LAPTM4B: variants seen among roughly 807,000 people sequenced by gnomAD.
LAPTM4B encodes the protein lysosomal-associated transmembrane protein 4B.
Under a neutral mutation model 28.5 loss-of-function variants are expected in LAPTM4B, and 26 were observed. The observed-to-expected ratio is 0.91, with a 90% CI of 0.67 to 1.27. The LOEUF is 1.27. Ranked by LOEUF, LAPTM4B falls within the 50% of genes most tolerant of loss-of-function variation. The pLI is 0.00. For synonymous variants in LAPTM4B, 109 were observed against 106.4 expected, an observed-to-expected ratio of 1.02 and a Z score of -0.15; for missense variants, 288 against 285.8, an observed-to-expected ratio of 1.01 and a Z score of -0.06.
At chr8:97,820,723 C>A (rs1816990171) in intron 5 of LAPTM4B, among the ~76,000 whole-genome samples, 1 of 151,274 alleles carries the variant, frequency 6.6e-6, no homozygotes, top group African/African-American at 2.4e-5. Flanking sequence ...CAGAGTGAGA[C>A]CCCGTCTTGT....
intron 6 of LAPTM4B, among the ~76,000 whole-genome samples, chr8:97,840,513 C>G (rs975106037): frequency 1.3e-5 from 2 of 152,052 alleles, no homozygotes; most frequent in African/African-American, 4.8e-5. Flanking sequence ...TTAGAACTCC[C>G]AAAAATGTGT....
intron 1 of LAPTM4B, among the ~76,000 whole-genome samples, chr8:97,783,270 C>G (rs1313427825): frequency 6.6e-6 from 1 of 151,762 alleles, no homozygotes; most frequent in Non-Finnish European, 1.5e-5. Flanking sequence ...AATTTTCTTT[C>G]TTTCTTTTTC....
rs187817624 is a variant in LAPTM4B, at chr8:97,829,346, C to T, written c.603+4193C>T. On this transcript the variant is annotated intron_variant, in intron 6 of 6. Coordinates refer to ENST00000521545, the MANE Select transcript of LAPTM4B (RefSeq NM_018407.6). Reference sequence around the variant, plus strand: ...AAAGATCGAGCAAGTGAGCGGTAAGCGTCTTTCTAGACAAAAGTTGCTACC... The same window carrying T: ...AAAGATCGAGCAAGTGAGCGGTAAGTGTCTTTCTAGACAAAAGTTGCTACC... 5.0e-3 allele frequency among the ~76,000 whole-genome samples: 758 copies of T among 152,218 alleles called. 4 individuals are homozygous for T. The highest frequency in any genetic ancestry group is 0.016 in the African/African-American group (684 of 41,530).
chr8:97,801,230 G>A (rs1194940937), intron 1 of LAPTM4B, among the ~76,000 whole-genome samples: 1 of 149,008 alleles, frequency 6.7e-6, no homozygotes, highest in Non-Finnish European at 1.5e-5. Context: ...CCAGGCTGGA[G>A]TGCAATGGTG....
intron 5 of LAPTM4B, among the ~76,000 whole-genome samples, chr8:97,824,459 C>T (rs1173609936): frequency 6.6e-6 from 1 of 152,134 alleles, no homozygotes; most frequent in Non-Finnish European, 1.5e-5. Context: ...TTAAACATCT[C>T]CCGTGAACTC....
intron 1 of LAPTM4B, among the ~76,000 whole-genome samples, chr8:97,777,137 G>GTTTTTTTTTTTTTTT (rs1176218610): frequency 6.0e-5 from 5 of 83,852 alleles, no homozygotes; most frequent in Admixed American, 1.6e-4. Flanking sequence ...TTTCAGTGAG[G>GTTTTTTTTTTTTTTT]TTTTTTTTTT....
intron 1 of LAPTM4B, among the ~76,000 whole-genome samples, chr8:97,777,389 G>A (rs1331552802): frequency 6.6e-6 from 1 of 151,804 alleles, no homozygotes; most frequent in South Asian, 2.1e-4. Context: ...CTCGTGATTC[G>A]CCCGCCTTGG....
At chr8:97,851,259 G>A (rs1033207793) in intron 6 of LAPTM4B, 138 bp from the exon 7 acceptor site, 5 of 715,504 alleles carry the variant, frequency 7.0e-6, no homozygotes, top group South Asian at 1.6e-5. Flanking sequence ...TTAATGAAGT[G>A]TATCCACTTG....
At chr8:97,837,998 T>A (rs992883249) in intron 6 of LAPTM4B, among the ~76,000 whole-genome samples, 2 of 152,188 alleles carry the variant, frequency 1.3e-5, no homozygotes, top group African/African-American at 4.8e-5. Context: ...CAGGTTGATA[T>A]GGAATAGATT....
At chr8:97,834,203 G>A (rs981254439) in intron 6 of LAPTM4B, among the ~76,000 whole-genome samples, 8 of 148,350 alleles carry the variant, frequency 5.4e-5, no homozygotes, top group African/African-American at 2.0e-4. Context: ...GGGAGGCTGA[G>A]GTGGGAGGAT....
chr8:97,791,184 G>C (rs1195157973), intron 1 of LAPTM4B, among the ~76,000 whole-genome samples: 1 of 152,184 alleles, frequency 6.6e-6, no homozygotes, highest in Non-Finnish European at 1.5e-5. Context: ...GGGATTACAG[G>C]CATGAGCCAC....
intron 6 of LAPTM4B, among the ~76,000 whole-genome samples, chr8:97,840,051 C>T (rs777261621): frequency 6.6e-6 from 1 of 152,094 alleles, no homozygotes; most frequent in Non-Finnish European, 1.5e-5. Context: ...CGGTTGTTGT[C>T]GTGAAGGAGA....
chr8:97,846,126 G>GT (rs1817430223), intron 6 of LAPTM4B, among the ~76,000 whole-genome samples: 2 of 151,162 alleles, frequency 1.3e-5, no homozygotes, highest in Non-Finnish European at 2.9e-5. Flanking sequence ...AAGTGTTGGA[G>GT]TTACAGGTGT....
rs141701042 is a variant in LAPTM4B, at chr8:97,838,417, G to A, written c.604-12980G>A. Among the ~76,000 whole-genome samples the A allele has an allele frequency of 2.4e-3, 370 of 152,342 alleles. 1 individual carries two copies. Among genetic ancestry groups the A allele is most frequent in the Admixed American group, 6.5e-3 (100 of 15,300 alleles). ...TAGGTTTCTCCGCAGACATGTGGCA[G>A]TTGCCGCCCATCAGGCCTTGTGCCG... On this transcript the variant is annotated intron_variant, in intron 6 of 6. Transcript: ENST00000521545.
intron 6 of LAPTM4B, among the ~76,000 whole-genome samples, chr8:97,845,431 A>G (rs1419335426): frequency 1.3e-5 from 2 of 152,004 alleles, no homozygotes; most frequent in Non-Finnish European, 2.9e-5. Flanking sequence ...ACTATTAATA[A>G]TGCTATTTTC....
At chr8:97,820,304 C>T (rs1018540878) in intron 5 of LAPTM4B, among the ~76,000 whole-genome samples, 111 of 127,982 alleles carry the variant, frequency 8.7e-4, no homozygotes, top group South Asian at 1.2e-3. Flanking sequence ...TTCTTTCTTT[C>T]TTTTTTTTTT....
At chr8:97,796,060 C>A (rs1334304674) in intron 1 of LAPTM4B, among the ~76,000 whole-genome samples, 1 of 3,492 alleles carries the variant, frequency 2.9e-4, no homozygotes, top group East Asian at 1.0e-3. Flanking sequence ...TTGCCTTGGC[C>A]CCCCCAGTAG....
intron 6 of LAPTM4B, among the ~76,000 whole-genome samples, chr8:97,831,274 T>G (rs547811102): frequency 2.4e-4 from 36 of 152,290 alleles, no homozygotes; most frequent in Admixed American, 2.6e-4. Flanking sequence ...AGGCAAGAAA[T>G]GCCTGCAGTG....
chr8:97,776,690 T>TC (rs112032063), intron 1 of LAPTM4B, among the ~76,000 whole-genome samples: 36,289 of 148,950 alleles, frequency 0.24, 5,001 homozygotes, highest in African/African-American at 0.35. Context: ...TGTGAATGGG[T>TC]CCCCCCCCCG....
Sources: allele counts gnomAD v4.1 joint callset (sites outside exome capture counted in the v4.1 genomes callset), GRCh38; gene constraint gnomAD v4.1.1; transcripts MANE v1.5; gene names NCBI Gene and HGNC (gene_info 2026-07-23, HGNC 2026-07-21).